Variants in DCHS2 observed in about 807,000 individuals in gnomAD.
The protein encoded by DCHS2 is protocadherin-23.
Under a neutral mutation model 182.4 loss-of-function variants are expected in DCHS2, and 142 were observed. That is an observed-to-expected ratio of 0.78 (90% CI 0.68 to 0.89). The LOEUF (loss-of-function observed/expected upper bound fraction) is 0.89, where lower values mean the gene tolerates loss of function less well. Among genes scored for constraint, DCHS2 ranks in the 40% least tolerant of loss-of-function variants. DCHS2 has a pLI of 0.00. For missense variants in DCHS2, 4,319 were observed against 4,198.6 expected, an observed-to-expected ratio of 1.03 and a Z score of -0.79; for synonymous variants, 1,740 against 1,663.3, an observed-to-expected ratio of 1.05 and a Z score of -1.12.
intron 3 of DCHS2, among the ~76,000 whole-genome samples, chr4:154,359,982 T>A (rs1327944028): frequency 2.0e-5 from 3 of 151,728 alleles, no homozygotes; most frequent in Non-Finnish European, 4.4e-5. Context: ...TCTTTAGTGT[T>A]TTTTTTTAAG....
chr4:154,278,488 C>G (rs2111227556), intron 13 of DCHS2, among the ~76,000 whole-genome samples: 1 of 151,864 alleles, frequency 6.6e-6, no homozygotes, highest in East Asian at 1.9e-4. Context: ...GTCCCCAAAT[C>G]TGAGGGAAAA....
Position 154,483,567 on chromosome 4 carries a change from A to G in DCHS2, c.2052+5737T>C, listed in dbSNP as rs183657410. Among the ~76,000 whole-genome samples the G allele has an allele frequency of 4.9e-4, 75 of 152,330 alleles. No individual in the cohort carries two copies. In the East Asian group the frequency reaches 0.014, roughly 28 times the overall value. ...CAGGCTTTCATTGTCTTCACTGCAC[A>G]TGGGGACTGACCAGATGGTCCATAG... On this transcript the variant is annotated intron_variant, in intron 1 of 19. Transcript: ENST00000357232.
chr4:154,394,405 C>T (rs1414781298), intron 1 of DCHS2, among the ~76,000 whole-genome samples: 1 of 152,158 alleles, frequency 6.6e-6, no homozygotes, highest in Non-Finnish European at 1.5e-5. Flanking sequence ...AGCTATGTGA[C>T]CTTGGACAGT....
intron 8 of DCHS2, among the ~76,000 whole-genome samples, chr4:154,322,028 A>G (rs1736078010): frequency 6.6e-6 from 1 of 152,188 alleles, no homozygotes; most frequent in South Asian, 2.1e-4. Context: ...CATTAGAAAT[A>G]AGCACAAGAA....
intron 14 of DCHS2, among the ~76,000 whole-genome samples, chr4:154,260,619 A>G (rs897205961): frequency 6.6e-6 from 1 of 152,328 alleles, no homozygotes; most frequent in Non-Finnish European, 1.5e-5. Context: ...TGGCTCACAC[A>G]GCGATTCTTC....
At position 154,334,990 on chromosome 4, in the gene DCHS2, A is replaced by T. The variant is rs764210547; in HGVS notation, c.2591T>A (p.Ile864Lys). ...LTAVINADVT[I>K]HIFQTTLAPA... ...TGCCAGAGTTGTCTGGAAAATGTGT[A>T]TGGTGACATCGGCATTAATGACAGC... is the stretch of plus-strand genomic sequence containing the variant. Residue 864 changes from isoleucine (I) to lysine (K), a missense_variant, in exon 4 of 20, where the codon ATA (isoleucine) becomes AAA (lysine). Ile to Lys is a moderately radical substitution (Grantham distance 102, BLOSUM62 -3). Coordinates refer to ENST00000357232, the MANE Select transcript of DCHS2 (RefSeq NM_001358235.2). 1.9e-6 allele frequency: 3 copies of T among 1,614,196 alleles called. No individual in the cohort carries two copies. The African/African-American group carries it at 4.0e-5, about 22-fold the overall frequency.
At chr4:154,414,613 CACTA>C (rs1202143649) in intron 1 of DCHS2, among the ~76,000 whole-genome samples, 1 of 148,432 alleles carries the variant, frequency 6.7e-6, no homozygotes, top group African/African-American at 2.5e-5. Context: ...ACAAATTTAT[CACTA>C]ACTGTCACTG....
In DCHS2 at chr4:154,328,193, C is replaced by A; in HGVS notation, c.3919-1G>T. 1 of 1,602,268 alleles carries A rather than the reference C, an allele frequency of 6.2e-7. No homozygotes were observed. The highest frequency in any genetic ancestry group is 8.5e-7 in the Non-Finnish European group (1 of 1,175,296). On this transcript the variant is annotated splice_acceptor_variant, in intron 6 of 19. Coordinates refer to ENST00000357232, the MANE Select transcript of DCHS2 (RefSeq NM_001358235.2). LOFTEE classifies it high-confidence loss of function. ...TATTTACTGGTTGACCTTCCAGAAC[C>A]TGCCATTAAAACAAACAGCTTACAA...
At chr4:154,472,450 T>A (rs1360618254) in intron 1 of DCHS2, among the ~76,000 whole-genome samples, 1 of 152,180 alleles carries the variant, frequency 6.6e-6, no homozygotes, top group Non-Finnish European at 1.5e-5. Flanking sequence ...TTAAATTAAA[T>A]CAAATGTTGT....
chr4:154,378,732 A>G (rs1288888123), intron 1 of DCHS2, among the ~76,000 whole-genome samples: 1 of 152,162 alleles, frequency 6.6e-6, no homozygotes, highest in Non-Finnish European at 1.5e-5. Context: ...GTCAAAACTG[A>G]AATTCTTATC....
intron 15 of DCHS2, among the ~76,000 whole-genome samples, chr4:154,258,198 C>T (rs546117552): frequency 2.0e-5 from 3 of 152,178 alleles, no homozygotes; most frequent in Non-Finnish European, 4.4e-5. Context: ...AATCAGGCTG[C>T]TATAAAACAA....
At chr4:154,372,197 G>A (rs893253270) in intron 2 of DCHS2, among the ~76,000 whole-genome samples, 1 of 152,122 alleles carries the variant, frequency 6.6e-6, no homozygotes, top group South Asian at 2.1e-4. Flanking sequence ...CGGGACAATG[G>A]GGGGATGGGG....
Position 154,333,093 on chromosome 4 carries a change from C to G in DCHS2, c.3115G>C (p.Gly1039Arg), listed in dbSNP as rs773306679. Residue 1039 changes from glycine to arginine, a missense_variant, in exon 5 of 20, where the codon GGC (glycine) becomes CGC (arginine). Physicochemically the swap from Gly to Arg is moderately radical, Grantham distance 125. Transcript: ENST00000357232. ...CGCTGCTCGCCCGCGCCCAGGCTGC[C>G]GTTGAGGAACAGCACCCCCAGGGCT... ...DRALGVLFLN[G>R]SLGAGEQREL... The G allele has an allele frequency of 1.2e-6, 2 of 1,614,008 alleles. No homozygotes were observed. Among genetic ancestry groups the G allele is most frequent in the Non-Finnish European group, 8.5e-7 (1 of 1,179,986 alleles).
chr4:154,418,760 C>T (rs1429264353), intron 1 of DCHS2, among the ~76,000 whole-genome samples: 1 of 152,112 alleles, frequency 6.6e-6, no homozygotes, highest in East Asian at 1.9e-4. Context: ...TCATGTATTT[C>T]AATATGTAAT....
chr4:154,362,263 G>C (rs372892148), intron 3 of DCHS2, among the ~76,000 whole-genome samples: 2 of 152,126 alleles, frequency 1.3e-5, no homozygotes, highest in Non-Finnish European at 2.9e-5. Flanking sequence ...AAAGTCTAGG[G>C]AGAGTTTTGA....
chr4:154,462,587 T>G (rs1400242113), intron 1 of DCHS2, among the ~76,000 whole-genome samples: 1 of 152,178 alleles, frequency 6.6e-6, no homozygotes, highest in Admixed American at 6.5e-5. Context: ...TTACAGCTAT[T>G]AAGTGATAGA....
At chr4:154,237,907 GTTTAATGTTTTAAACATTGCA>G (rs1285313312) in intron 19 of DCHS2, among the ~76,000 whole-genome samples, 1 of 152,078 alleles carries the variant, frequency 6.6e-6, no homozygotes, top group Non-Finnish European at 1.5e-5. Context: ...AGCTTAGTGC[GTTTAATGTTTTAAACATTGCA>G]TTTAATGTTT....
intron 3 of DCHS2, among the ~76,000 whole-genome samples, chr4:154,353,664 C>T (rs1475026858): frequency 6.6e-6 from 1 of 152,162 alleles, no homozygotes; most frequent in Non-Finnish European, 1.5e-5. Context: ...TTGGACTTTT[C>T]CAGTGGTCCT....
rs558722665 is a variant in DCHS2, at chr4:154,333,353, G to C, written c.2855C>G (p.Ala952Gly). The C allele has an allele frequency of 1.2e-6, 2 of 1,614,126 alleles. No individual in the cohort carries two copies. Among genetic ancestry groups the C allele is most frequent in the South Asian group, 2.2e-5 (2 of 91,078 alleles). Residue 952 changes from alanine (A) to glycine (G), a missense_variant, in exon 5 of 20, where the codon GCG (alanine) becomes GGG (glycine). By Grantham distance (60) the Ala-to-Gly change is moderately conservative (BLOSUM62 0). Transcript: ENST00000357232. ...GCAGGCTGGGGCGCTGCCGAGCTGC[G>C]CCTGCACCGTGAGCACAACCACGGG... ...TQPVVVLTVQ[A>G]QLGSAPACSS...
Sources: gnomAD v4.1 joint callset for allele counts (sites outside exome capture counted in the v4.1 genomes callset) on GRCh38, gnomAD v4.1.1 for gene constraint, MANE v1.5 for transcripts, NCBI Gene and HGNC (gene_info 2026-07-23, HGNC 2026-07-21) for gene names.